The following DGKB variants were observed in gnomAD, a reference collection of about 807,000 sequenced individuals.
DGKB encodes the protein 90 kDa diacylglycerol kinase.
In DGKB, 67 loss-of-function variants were observed where a neutral mutation model predicts 114.3. The ratio of observed to expected loss-of-function variants is 0.59; its 90% confidence interval spans 0.48 to 0.72. The LOEUF (loss-of-function observed/expected upper bound fraction) is 0.72, where lower values mean the gene tolerates loss of function less well. Among genes scored for constraint, DGKB ranks in the 30% least tolerant of loss-of-function variants. The pLI, the probability that DGKB is intolerant of heterozygous loss-of-function variation, is 0.00. For missense variants in DGKB, 907 were observed against 975.2 expected, an observed-to-expected ratio of 0.93 and a Z score of 0.93; for synonymous variants, 398 against 323.1, an observed-to-expected ratio of 1.23 and a Z score of -2.49.
intron 10 of DGKB, 119 bp downstream of exon 10, chr7:14,685,126 A>C (rs1821455310): frequency 1.8e-6 from 1 of 542,896 alleles, no homozygotes; most frequent in Non-Finnish European, 3.2e-6. Flanking sequence ...AATATAAATC[A>C]CATGTACAGA....
chr7:14,283,887 G>T (rs543516997), intron 23 of DGKB, among the ~76,000 whole-genome samples: 1 of 151,986 alleles, frequency 6.6e-6, no homozygotes, highest in African/African-American at 2.4e-5. Context: ...AGACTTAAAC[G>T]TTAGACCTAA....
intron 14 of DGKB, among the ~76,000 whole-genome samples, chr7:14,629,625 G>A (rs1043016257): frequency 6.6e-6 from 1 of 152,034 alleles, no homozygotes; most frequent in African/African-American, 2.4e-5. Context: ...ACAATGTGGA[G>A]GCTTTGCATC....
At chr7:14,521,564 C>T (rs963826079) in intron 20 of DGKB, among the ~76,000 whole-genome samples, 9 of 151,956 alleles carry the variant, frequency 5.9e-5, no homozygotes, top group South Asian at 4.2e-4. Flanking sequence ...TATATTTTTC[C>T]GTTATTGTAC....
intron 21 of DGKB, among the ~76,000 whole-genome samples, chr7:14,385,546 G>T (rs1419382195): frequency 1.3e-5 from 2 of 152,150 alleles, no homozygotes; most frequent in African/African-American, 4.8e-5. Flanking sequence ...TGAATTTGGA[G>T]ATTACTACCT....
intron 17 of DGKB, among the ~76,000 whole-genome samples, chr7:14,584,343 G>A (rs1486432021): frequency 6.6e-6 from 1 of 152,058 alleles, no homozygotes; most frequent in Admixed American, 6.6e-5. Flanking sequence ...GTGTAAATGT[G>A]CGCATGTGTT....
rs562847159 is a variant in DGKB, at chr7:14,569,126, T to C, written c.1770+5086A>G. On this transcript the variant is annotated intron_variant, in intron 20 of 25. Coordinates refer to ENST00000402815, the MANE Select transcript of DGKB (RefSeq NM_001350709.2). ...AATGTAAGCTGCTGAGTAGATGACTTTGTTGAATGACATTCAAGGTAGAAG... is the reference window on the plus strand; with the variant it reads ...AATGTAAGCTGCTGAGTAGATGACTCTGTTGAATGACATTCAAGGTAGAAG... 3.9e-5 allele frequency among the ~76,000 whole-genome samples: 6 copies of C among 152,300 alleles called. No individual in the cohort carries two copies. The East Asian group carries it at 1.2e-3, about 29-fold the overall frequency.
intron 22 of DGKB, among the ~76,000 whole-genome samples, chr7:14,339,272 C>T (rs1032869458): frequency 4.6e-5 from 7 of 150,968 alleles, no homozygotes; most frequent in African/African-American, 1.7e-4. Context: ...CTGAATTTAC[C>T]AAGGGTGGTT....
intron 20 of DGKB, among the ~76,000 whole-genome samples, chr7:14,561,197 G>A (rs934969645): frequency 5.3e-5 from 8 of 152,106 alleles, no homozygotes; most frequent in African/African-American, 1.9e-4. Flanking sequence ...AAAGCTGATG[G>A]TTGTATAATG....
intron 20 of DGKB, among the ~76,000 whole-genome samples, chr7:14,526,717 T>A (rs974927366): frequency 6.6e-6 from 1 of 152,140 alleles, no homozygotes. Context: ...CAATGCATTT[T>A]CATCAGACTG....
intron 1 of DGKB, among the ~76,000 whole-genome samples, chr7:14,910,407 G>C (rs1344360896): frequency 6.6e-6 from 1 of 151,910 alleles, no homozygotes. Flanking sequence ...GCATTGAAAA[G>C]ATTTCTTCCA....
intron 1 of DGKB, among the ~76,000 whole-genome samples, chr7:14,946,442 T>C: frequency 6.6e-6 from 1 of 151,774 alleles, no homozygotes; most frequent in East Asian, 1.9e-4. Context: ...CATGGCACTA[T>C]TTTATTCAAA....
At chr7:14,554,565 A>T (rs1313001911) in intron 20 of DGKB, among the ~76,000 whole-genome samples, 5 of 152,238 alleles carry the variant, frequency 3.3e-5, no homozygotes, top group Non-Finnish European at 1.5e-5. Flanking sequence ...CACATTTTTA[A>T]ATTTTAATAG....
chr7:14,821,164 TC>T (rs1844882347), intron 2 of DGKB, among the ~76,000 whole-genome samples: 1 of 152,182 alleles, frequency 6.6e-6, no homozygotes, highest in African/African-American at 2.4e-5. Flanking sequence ...TATCGAAGCA[TC>T]TTTTATCCCC....
At chr7:14,755,501 T>C (rs1343373919) in intron 3 of DGKB, among the ~76,000 whole-genome samples, 1 of 152,168 alleles carries the variant, frequency 6.6e-6, no homozygotes, top group Non-Finnish European at 1.5e-5. Flanking sequence ...TACTCAATTG[T>C]CCATTTTTTC....
At chr7:14,779,083 G>T (rs1381653612) in intron 2 of DGKB, among the ~76,000 whole-genome samples, 1 of 152,064 alleles carries the variant, frequency 6.6e-6, no homozygotes, top group Non-Finnish European at 1.5e-5. Context: ...TTGAACATGG[G>T]AGGGAGAGGT....
intron 1 of DGKB, among the ~76,000 whole-genome samples, chr7:14,914,358 CT>C (rs1436286461): frequency 2.0e-5 from 3 of 152,102 alleles, no homozygotes; most frequent in Non-Finnish European, 2.9e-5. Context: ...ATACTTAGAA[CT>C]TCATCAACAG....
At chr7:14,157,348 TAAC>T (rs1026861426) in intron 25 of DGKB, among the ~76,000 whole-genome samples, 13 of 147,474 alleles carry the variant, frequency 8.8e-5, no homozygotes, top group African/African-American at 3.2e-4. Flanking sequence ...CAATGAAACA[TAAC>T]AATTTTCTAA....
chr7:14,243,120 A>G lies in DGKB; in HGVS notation c.2123-64969T>C, dbSNP rs572304873. On this transcript the variant is annotated intron_variant, in intron 23 of 25. Transcript: ENST00000402815. ...CTGTAAGCCTATTTTTAGGTAATTT[A>G]CCTTTCCTATACAAAAAGAGAGGTA... 1.8e-4 allele frequency among the ~76,000 whole-genome samples: 27 copies of G among 152,228 alleles called. No homozygotes were observed. The South Asian group carries it at 5.6e-3, about 32-fold the overall frequency.
At chr7:14,445,391 T>A (rs963543651) in intron 21 of DGKB, among the ~76,000 whole-genome samples, 1 of 151,942 alleles carries the variant, frequency 6.6e-6, no homozygotes, top group South Asian at 2.1e-4. Flanking sequence ...TCAATTGATA[T>A]TGAGGAAAAA....
Sources: allele counts gnomAD v4.1 joint callset (sites outside exome capture counted in the v4.1 genomes callset), GRCh38; gene constraint gnomAD v4.1.1; transcripts MANE v1.5; gene names NCBI Gene and HGNC (gene_info 2026-07-23, HGNC 2026-07-21).